PSD3: variants seen among roughly 807,000 people sequenced by gnomAD.
PSD3 encodes the protein PH and SEC7 domain-containing protein 3.
In PSD3, 49 loss-of-function variants were observed where a neutral mutation model predicts 105.5. The observed-to-expected ratio is 0.46, with a 90% CI of 0.37 to 0.59. The LOEUF (loss-of-function observed/expected upper bound fraction) is 0.59, where lower values mean the gene tolerates loss of function less well. PSD3 is among the 20% of genes least tolerant of loss of function. PSD3 has a pLI of 0.00. For missense variants in PSD3, 1,561 were observed against 1,263.8 expected (o/e 1.24, Z -3.57); for synonymous variants, 557 against 457.8 (o/e 1.22, Z -2.77).
At chr8:18,774,947 T>C (rs1384953784) in intron 8 of PSD3, 10 of 456,050 alleles carry the variant, frequency 2.2e-5, no homozygotes, top group Admixed American at 4.7e-5. Flanking sequence ...CGCTGCCAAA[T>C]GCCCCGAGGG....
At position 18,575,266 on chromosome 8, in the gene PSD3, T is replaced by G. The variant is rs769962749; in HGVS notation, c.2501A>C (p.Lys834Thr). Residue 834 changes from lysine (K) to threonine (T), a missense_variant, in exon 13 of 16, where the codon AAG (lysine) becomes ACG (threonine). Transcript: ENST00000327040. ...TTTCAAGTCCTCTTCAGACAAGGCC[T>G]TTTCTGGCTTGTATTCATCCTATAG... ...YLQKDEYKPE[K>T]ALSEEDLKNA... is the part of the protein sequence containing the mutation. 1 of 1,610,018 alleles carries G rather than the reference T, an allele frequency of 6.2e-7. No homozygotes were observed. Among genetic ancestry groups the G allele is most frequent in the East Asian group, 2.2e-5 (1 of 44,712 alleles).
intron 1 of PSD3, among the ~76,000 whole-genome samples, chr8:18,974,925 C>A (rs11781594): frequency 0.11 from 16,479 of 152,134 alleles, 1,139 homozygotes; most frequent in Non-Finnish European, 0.15. Context: ...AATACAAAAT[C>A]TTTTTCCTTG....
At chr8:18,607,680 C>T (rs182066177) in intron 11 of PSD3, among the ~76,000 whole-genome samples, 53 of 61,010 alleles carry the variant, frequency 8.7e-4, no homozygotes, top group South Asian at 1.9e-3. Flanking sequence ...GACTCCACTG[C>T]TACAAAAAAA....
chr8:18,637,146 G>A (rs1807312022), intron 10 of PSD3, among the ~76,000 whole-genome samples: 2 of 152,326 alleles, frequency 1.3e-5, no homozygotes, highest in South Asian at 4.1e-4. Flanking sequence ...ACACCCATGT[G>A]AGGAACAAAT....
At chr8:18,989,413 G>A (rs1825675888) in intron 1 of PSD3, 1 of 152,170 alleles carries the variant, frequency 6.6e-6, no homozygotes, top group South Asian at 2.1e-4. Context: ...AGCATCAAAG[G>A]TGAATAAATT....
chr8:18,832,144 G>T (rs1049686539), intron 4 of PSD3, among the ~76,000 whole-genome samples: 5 of 152,202 alleles, frequency 3.3e-5, no homozygotes, highest in South Asian at 2.1e-4. Flanking sequence ...TTTATTATAG[G>T]TGGAGTTCTC....
chr8:19,060,621 G>A (rs138877892), intron 1 of PSD3, among the ~76,000 whole-genome samples: 5 of 152,304 alleles, frequency 3.3e-5, no homozygotes, highest in South Asian at 2.1e-4. Flanking sequence ...GCAACAGAGT[G>A]AGACCCCATC....
At chr8:18,965,407 A>T (rs963344159) in intron 1 of PSD3, among the ~76,000 whole-genome samples, 1 of 152,208 alleles carries the variant, frequency 6.6e-6, no homozygotes, top group Non-Finnish European at 1.5e-5. Context: ...CTATGGAGCC[A>T]TTCACAGGCT....
intron 1 of PSD3, among the ~76,000 whole-genome samples, chr8:19,040,205 T>C (rs1435856152): frequency 6.6e-6 from 1 of 152,204 alleles, no homozygotes; most frequent in Non-Finnish European, 1.5e-5. Context: ...AATTTTATTT[T>C]ATTTATTTAT....
chr8:18,600,515 G>A, intron 11 of PSD3, 81 bp from the exon 12 acceptor site: 1 of 1,175,126 alleles, frequency 8.5e-7, no homozygotes, highest in Non-Finnish European at 1.2e-6. Flanking sequence ...CATGGTGACA[G>A]TGTTTCAATA....
At chr8:18,718,542 A>T (rs1487751) in intron 9 of PSD3, among the ~76,000 whole-genome samples, 151,843 of 152,344 alleles carry the variant, frequency 1, 75,674 homozygotes, top group Non-Finnish European at 1. Flanking sequence ...GCATTTTTAA[A>T]ACTTTACAGA....
chr8:18,859,647 T>C (rs978411443), intron 4 of PSD3, among the ~76,000 whole-genome samples: 1 of 152,246 alleles, frequency 6.6e-6, no homozygotes, highest in Non-Finnish European at 1.5e-5. Flanking sequence ...ACATCAGCAC[T>C]TGCTGCTTCG....
intron 9 of PSD3, among the ~76,000 whole-genome samples, chr8:18,702,855 G>A (rs920362560): frequency 4.6e-5 from 7 of 151,804 alleles, no homozygotes; most frequent in Non-Finnish European, 7.4e-5. Context: ...CTCATGATCC[G>A]CCCGCCTCAG....
At chr8:18,565,502 AAAGAC>A (rs1320804453) in intron 14 of PSD3, among the ~76,000 whole-genome samples, 1 of 152,232 alleles carries the variant, frequency 6.6e-6, no homozygotes. Flanking sequence ...GTTTTGCATA[AAAGAC>A]AAGAATAAAT....
At chr8:18,782,340 C>G (rs541575395) in intron 8 of PSD3, among the ~76,000 whole-genome samples, 1 of 152,000 alleles carries the variant, frequency 6.6e-6, no homozygotes, top group Non-Finnish European at 1.5e-5. Context: ...ACATTTTTTT[C>G]TATAGAGCTA....
intron 15 of PSD3, among the ~76,000 whole-genome samples, chr8:18,547,898 G>T (rs1800539970): frequency 6.6e-6 from 1 of 152,132 alleles, no homozygotes; most frequent in African/African-American, 2.4e-5. Context: ...TTTCTGCCAT[G>T]TTCCCTCTCT....
intron 2 of PSD3, among the ~76,000 whole-genome samples, chr8:18,907,114 T>C (rs143681969): frequency 2.8e-4 from 42 of 152,300 alleles, no homozygotes; most frequent in African/African-American, 9.9e-4. Context: ...CAAAGTAAAA[T>C]AGTTACAGTA....
chr8:18,778,540 T>C (rs1405990816), intron 8 of PSD3, among the ~76,000 whole-genome samples: 1 of 152,100 alleles, frequency 6.6e-6, no homozygotes, highest in Non-Finnish European at 1.5e-5. Flanking sequence ...TTTTAGTTCT[T>C]AGAAGAAAGG....
At chr8:18,713,365 A>G (rs1802375888) in intron 9 of PSD3, among the ~76,000 whole-genome samples, 2 of 152,070 alleles carry the variant, frequency 1.3e-5, no homozygotes. Context: ...GATGATATAA[A>G]CCTATATCTA....
Sources: allele counts gnomAD v4.1 joint callset (sites outside exome capture counted in the v4.1 genomes callset), GRCh38; gene constraint gnomAD v4.1.1; transcripts MANE v1.5; gene names NCBI Gene and HGNC (gene_info 2026-07-23, HGNC 2026-07-21).